Variants in MGAT4D observed in about 807,000 individuals in gnomAD.
MGAT4D encodes the protein MGAT4 family member D, also known as alpha-1,3-mannosyl-glycoprotein 4-beta-N-acetylglucosaminyltransferase-like protein MGAT4D.
In MGAT4D, 34 loss-of-function variants were observed where a neutral mutation model predicts 15.9. The ratio of observed to expected loss-of-function variants is 2.14; its 90% CI spans 1.62 to 2.84. The LOEUF (loss-of-function observed/expected upper bound fraction) is 2.84, where lower values mean the gene tolerates loss of function less well. Ranked by LOEUF, MGAT4D falls within the 30% of genes most tolerant of loss-of-function variation. MGAT4D has a pLI of 0.00. For missense variants in MGAT4D, 327 were observed against 140.2 expected, an observed-to-expected ratio of 2.33 and a Z score of -6.73; for synonymous variants, 112 against 48.2, an observed-to-expected ratio of 2.33 and a Z score of -5.49.
At chr4:140,464,712 G>A (rs1731413196) in intron 6 of MGAT4D, among the ~76,000 whole-genome samples, 184 bp downstream of exon 6, 1 of 152,174 alleles carries the variant, frequency 6.6e-6, no homozygotes, top group Non-Finnish European at 1.5e-5. Context: ...TGTGGCTAAT[G>A]CTATCAACTC....
At chr4:140,485,848 A>C (rs1458376569) in intron 1 of MGAT4D, among the ~76,000 whole-genome samples, 1 of 129,890 alleles carries the variant, frequency 7.7e-6, no homozygotes, top group Non-Finnish European at 1.6e-5. Flanking sequence ...AAAAAAAAAA[A>C]GCAATGATGA....
chr4:140,490,231 C>T (rs748254936), intron 1 of MGAT4D, among the ~76,000 whole-genome samples: 8 of 152,114 alleles, frequency 5.3e-5, no homozygotes, highest in Non-Finnish European at 1.2e-4. Context: ...TATTGATAAA[C>T]CACAAGACCA....
At chr4:140,458,933 G>T (rs964949158) in intron 8 of MGAT4D, 2 of 151,968 alleles carry the variant, frequency 1.3e-5, no homozygotes, top group Non-Finnish European at 2.9e-5. Flanking sequence ...AATACTTGAG[G>T]TTCAAAGGAA....
At chr4:140,468,869 G>A (rs1200630845) in intron 5 of MGAT4D, among the ~76,000 whole-genome samples, 1 of 151,990 alleles carries the variant, frequency 6.6e-6, no homozygotes, top group Non-Finnish European at 1.5e-5. Context: ...TTTAAAAAAG[G>A]ATTTTTAAGA....
intron 7 of MGAT4D, among the ~76,000 whole-genome samples, chr4:140,461,137 C>A (rs1394579039): frequency 4.6e-5 from 7 of 152,174 alleles, no homozygotes; most frequent in Non-Finnish European, 8.8e-5. Flanking sequence ...AAAAATGTGG[C>A]AGTCCTCAGG....
In MGAT4D at chr4:140,482,489, C is replaced by A; in HGVS notation, c.95-4G>T. On this transcript the variant is annotated splice_polypyrimidine_tract_variant and splice_region_variant and intron_variant, in intron 1 of 10. Transcript: ENST00000511113. Reference sequence around the variant, plus strand: ...CTACAGTTAATTAATTGATTATCTGCAATGAAAACATATGTATATATTTGT... The same window carrying A: ...CTACAGTTAATTAATTGATTATCTGAAATGAAAACATATGTATATATTTGT... 3 of 622,642 alleles carry A rather than the reference C, an allele frequency of 4.8e-6. No individual in the cohort carries two copies. The highest frequency in any genetic ancestry group is 2.9e-5 in the East Asian group (1 of 34,918). 38.6% of individuals were successfully genotyped at this position (622,642 alleles called of 1,614,324 possible). A position where few individuals can be genotyped will look rare whatever the true frequency, so the allele number is the denominator to read the frequency against.
chr4:140,455,944 C>T (rs181759128), intron 9 of MGAT4D, among the ~76,000 whole-genome samples: 14 of 152,198 alleles, frequency 9.2e-5, no homozygotes, highest in African/African-American at 3.1e-4. Context: ...TTAGACCAGC[C>T]TGGGCAACAT....
At chr4:140,495,761 G>A (rs1733795675) in intron 1 of MGAT4D, among the ~76,000 whole-genome samples, 1 of 151,874 alleles carries the variant, frequency 6.6e-6, no homozygotes, top group Admixed American at 6.6e-5. Flanking sequence ...TTCCAAGATG[G>A]AGTCTTGCTC....
intron 1 of MGAT4D, among the ~76,000 whole-genome samples, chr4:140,490,308 T>A (rs777703762): frequency 2.0e-5 from 3 of 152,186 alleles, no homozygotes; most frequent in Non-Finnish European, 4.4e-5. Context: ...AGCCCAAAAT[T>A]GCAATTCATA....
At chr4:140,456,440 A>G (rs1730805093) in intron 9 of MGAT4D, 149 bp downstream of exon 9, 1 of 400,096 alleles carries the variant, frequency 2.5e-6, no homozygotes, top group Non-Finnish European at 4.4e-6. Flanking sequence ...ACTTCATTTA[A>G]TAGGTAGAAA....
intron 1 of MGAT4D, among the ~76,000 whole-genome samples, chr4:140,497,011 A>C (rs1578734984): frequency 6.6e-6 from 1 of 152,200 alleles, no homozygotes; most frequent in Non-Finnish European, 1.5e-5. Flanking sequence ...AGATTAGTAG[A>C]AATATTATAA....
chr4:140,476,547 G>T (rs1732345265), intron 3 of MGAT4D, among the ~76,000 whole-genome samples: 1 of 152,150 alleles, frequency 6.6e-6, no homozygotes, highest in Non-Finnish European at 1.5e-5. Context: ...GTAAGATACA[G>T]TATGAAAGCA....
chr4:140,484,113 T>C (rs1249070311), intron 1 of MGAT4D, among the ~76,000 whole-genome samples: 3 of 152,166 alleles, frequency 2.0e-5, no homozygotes, highest in African/African-American at 4.8e-5. Context: ...AGACAATCTA[T>C]GGGTTAAAAT....
intron 1 of MGAT4D, among the ~76,000 whole-genome samples, chr4:140,497,912 G>A (rs893013923): frequency 2.0e-5 from 3 of 152,190 alleles, no homozygotes; most frequent in African/African-American, 4.8e-5. Flanking sequence ...CGGCCCTGGA[G>A]GAGGAGGTCG....
intron 1 of MGAT4D, among the ~76,000 whole-genome samples, chr4:140,497,540 G>C (rs1435435950): frequency 6.6e-6 from 1 of 152,190 alleles, no homozygotes; most frequent in Non-Finnish European, 1.5e-5. Context: ...TCTTGAGTGT[G>C]TGTGGGAGCG....
At chr4:140,447,113 T>C (rs932388973) in intron 10 of MGAT4D, among the ~76,000 whole-genome samples, 2 of 152,062 alleles carry the variant, frequency 1.3e-5, no homozygotes, top group Admixed American at 6.6e-5. Flanking sequence ...TTGCTGAGGA[T>C]TGTTTTATGT....
chr4:140,475,734 A>C (rs889183014), intron 3 of MGAT4D, among the ~76,000 whole-genome samples: 2 of 150,408 alleles, frequency 1.3e-5, no homozygotes, highest in Admixed American at 6.7e-5. Context: ...TACTTAAGAA[A>C]AACTATGGAA....
rs1731022836 is a variant in MGAT4D, at chr4:140,459,507, C to T, written c.877+5G>A. 1 of 461,844 alleles carries T rather than the reference C, an allele frequency of 2.2e-6. No individual in the cohort carries two copies. The highest frequency in any genetic ancestry group is 3.5e-5 in the East Asian group (1 of 28,706). 28.6% of individuals were successfully genotyped at this position (461,844 alleles called of 1,614,324 possible). On this transcript the variant is annotated splice_donor_5th_base_variant and intron_variant, in intron 8 of 10. Coordinates refer to ENST00000511113, the MANE Select transcript of MGAT4D (RefSeq NM_001277353.2). ...TTGATCCAACAAAGTAAATCCATTG[C>T]TTACCTATGAATCCAAGCATTGAAA...
chr4:140,466,972 AT>A (rs547511565), intron 5 of MGAT4D, among the ~76,000 whole-genome samples: 373 of 152,096 alleles, frequency 2.5e-3, no homozygotes, highest in African/African-American at 8.7e-3. Context: ...GAAGTAATTT[AT>A]TTTTTCTGAT....
Sources: allele counts gnomAD v4.1 joint callset (sites outside exome capture counted in the v4.1 genomes callset), GRCh38; gene constraint gnomAD v4.1.1; transcripts MANE v1.5; gene names NCBI Gene and HGNC (gene_info 2026-07-23, HGNC 2026-07-21).